Variants in ITFG1 observed in about 807,000 individuals in gnomAD.
ITFG1 encodes the protein T-cell immunomodulatory protein.
In ITFG1, 34 loss-of-function variants were observed where a neutral mutation model predicts 81.8. The ratio of observed to expected loss-of-function variants is 0.42; its 90% CI spans 0.32 to 0.55. ITFG1 has a LOEUF of 0.55. ITFG1 is among the 20% of genes least tolerant of loss of function. The probability of loss-of-function intolerance (pLI) is 0.17; values close to 1 mark genes in which losing one functional copy is unlikely to be tolerated. For synonymous variants in ITFG1, 285 were observed against 270.6 expected (o/e 1.05, Z -0.52); for missense variants, 672 against 755.4 (o/e 0.89, Z 1.29).
At chr16:47,418,484 T>C (rs1301703336) in intron 6 of ITFG1, among the ~76,000 whole-genome samples, 1 of 152,170 alleles carries the variant, frequency 6.6e-6, no homozygotes, top group Admixed American at 6.5e-5. Context: ...TAGACCAATA[T>C]CCTGAAGTGT....
chr16:47,318,983 A>G (rs1967408079), intron 8 of ITFG1, among the ~76,000 whole-genome samples: 1 of 152,138 alleles, frequency 6.6e-6, no homozygotes. Context: ...GTTATTTGCA[A>G]TGAGGAATCT....
chr16:47,257,885 C>A (rs1255183479), intron 12 of ITFG1, among the ~76,000 whole-genome samples: 1 of 152,058 alleles, frequency 6.6e-6, no homozygotes, highest in Non-Finnish European at 1.5e-5. Context: ...TGTCTGATTC[C>A]AGGCTTGGGA....
intron 8 of ITFG1, among the ~76,000 whole-genome samples, chr16:47,347,858 C>T (rs548400042): frequency 1.3e-5 from 2 of 152,306 alleles, no homozygotes; most frequent in African/African-American, 2.4e-5. Flanking sequence ...TCCAGAGGAA[C>T]GATCAGACAG....
intron 13 of ITFG1, among the ~76,000 whole-genome samples, chr16:47,236,767 G>T (rs1398437745): frequency 6.6e-6 from 1 of 152,164 alleles, no homozygotes; most frequent in African/African-American, 2.4e-5. Flanking sequence ...AAAAGTATAT[G>T]GGTTGGACCA....
intron 12 of ITFG1, among the ~76,000 whole-genome samples, chr16:47,241,738 G>C (rs1364073236): frequency 6.6e-6 from 1 of 152,056 alleles, no homozygotes; most frequent in South Asian, 2.1e-4. Context: ...GGCGGATCAC[G>C]AGGTCAGGAA....
At chr16:47,340,305 T>C (rs1454031220) in intron 8 of ITFG1, among the ~76,000 whole-genome samples, 1 of 152,198 alleles carries the variant, frequency 6.6e-6, no homozygotes, top group Non-Finnish European at 1.5e-5. Context: ...CACAACTTTT[T>C]ATTTGCTATA....
intron 6 of ITFG1, among the ~76,000 whole-genome samples, chr16:47,407,977 A>G (rs1968750749): frequency 6.6e-6 from 1 of 152,170 alleles, no homozygotes; most frequent in Admixed American, 6.5e-5. Context: ...AGCTCCACTA[A>G]ATATACTACA....
chr16:47,430,834 T>G (rs1256404757), intron 5 of ITFG1, among the ~76,000 whole-genome samples: 1 of 152,162 alleles, frequency 6.6e-6, no homozygotes, highest in Non-Finnish European at 1.5e-5. Context: ...ATATCCAAGA[T>G]AATTAAAAAT....
intron 8 of ITFG1, among the ~76,000 whole-genome samples, chr16:47,333,554 T>C (rs1036687692): frequency 3.3e-5 from 5 of 152,234 alleles, no homozygotes; most frequent in Non-Finnish European, 7.3e-5. Flanking sequence ...ACATTCGTTA[T>C]AAAATTTTTC....
intron 5 of ITFG1, among the ~76,000 whole-genome samples, chr16:47,439,700 AG>A (rs1271642142): frequency 6.6e-6 from 1 of 152,232 alleles, no homozygotes; most frequent in Admixed American, 6.5e-5. Context: ...AAACATGGAA[AG>A]GAACAACCGG....
intron 5 of ITFG1, among the ~76,000 whole-genome samples, chr16:47,430,985 T>C (rs1300517247): frequency 6.6e-6 from 1 of 152,356 alleles, no homozygotes; most frequent in Admixed American, 6.5e-5. Flanking sequence ...GGACTATTAT[T>C]AAGCCATAAA....
intron 14 of ITFG1, among the ~76,000 whole-genome samples, chr16:47,182,462 G>T (rs1236733806): frequency 6.6e-6 from 1 of 151,396 alleles, no homozygotes; most frequent in Non-Finnish European, 1.5e-5. Flanking sequence ...CTTTAACACT[G>T]ATTTATTTGA....
At chr16:47,166,010 C>G (rs192843761) in intron 14 of ITFG1, among the ~76,000 whole-genome samples, 4 of 152,140 alleles carry the variant, frequency 2.6e-5, no homozygotes, top group Admixed American at 1.3e-4. Context: ...AGGCCATGAC[C>G]GGAAGTGAGG....
chr16:47,354,306 A>G (rs1299824231), intron 8 of ITFG1, among the ~76,000 whole-genome samples: 2 of 152,208 alleles, frequency 1.3e-5, no homozygotes, highest in African/African-American at 4.8e-5. Flanking sequence ...TGGGGAAAGG[A>G]CAGTCTCTTC....
At chr16:47,313,346 A>T (rs945438736) in intron 9 of ITFG1, among the ~76,000 whole-genome samples, 6 of 152,226 alleles carry the variant, frequency 3.9e-5, no homozygotes, top group African/African-American at 1.4e-4. Flanking sequence ...TACAGGTAAA[A>T]GTCAGCATGA....
At chr16:47,240,434 C>A (rs1157628770) in intron 12 of ITFG1, among the ~76,000 whole-genome samples, 1 of 151,788 alleles carries the variant, frequency 6.6e-6, no homozygotes, top group Non-Finnish European at 1.5e-5. Flanking sequence ...TAAAAGAACT[C>A]TTAAACTTGA....
At chr16:47,414,744 T>C (rs1968853572) in intron 6 of ITFG1, among the ~76,000 whole-genome samples, 2 of 152,212 alleles carry the variant, frequency 1.3e-5, no homozygotes, top group African/African-American at 2.4e-5. Context: ...AAAATGAAGA[T>C]AGTAGTTGCC....
At chr16:47,455,215 C>T (rs1432659438) in intron 2 of ITFG1, among the ~76,000 whole-genome samples, 1 of 152,166 alleles carries the variant, frequency 6.6e-6, no homozygotes, top group Non-Finnish European at 1.5e-5. Context: ...CAATACATTT[C>T]CAATTATTTC....
chr16:47,164,094 G>C (rs868011762), intron 14 of ITFG1, among the ~76,000 whole-genome samples: 1 of 151,424 alleles, frequency 6.6e-6, no homozygotes. Context: ...TTGAAAACTG[G>C]ACTTTTAAGA....
Sources: gnomAD v4.1 joint callset for allele counts (sites outside exome capture counted in the v4.1 genomes callset) on GRCh38, gnomAD v4.1.1 for gene constraint, MANE v1.5 for transcripts, NCBI Gene and HGNC (gene_info 2026-07-23, HGNC 2026-07-21) for gene names.